Variants in CDK18 observed in about 807,000 individuals in gnomAD.
The protein encoded by CDK18 is cyclin dependent kinase 18.
Under a neutral mutation model 62.0 loss-of-function variants are expected in CDK18, and 52 were observed. The observed-to-expected ratio is 0.84, with a 90% CI of 0.67 to 1.06. CDK18 has a LOEUF of 1.06. Ranked by LOEUF, CDK18 falls within the 50% of genes least tolerant of loss-of-function variation. The pLI is 0.00. For missense variants in CDK18, 604 were observed against 619.9 expected, an observed-to-expected ratio of 0.97 and a Z score of 0.27; for synonymous variants, 237 against 247.0, an observed-to-expected ratio of 0.96 and a Z score of 0.38.
At chr1:205,510,424 G>A (rs1667513068) in intron 1 of CDK18, among the ~76,000 whole-genome samples, 2 of 152,168 alleles carry the variant, frequency 1.3e-5, no homozygotes, top group Admixed American at 6.5e-5. Context: ...CCCAAACTCT[G>A]CCTGCAACAT....
At position 205,507,633 on chromosome 1, in the gene CDK18, CAAAAAAAAA is replaced by C. The variant is rs56313401; in HGVS notation, c.-22+2859_-22+2867del. ...TGGGCGACAGAGCGAGACTCCGTCT[CAAAAAAAAA>C]AAAAAAAAAAAAAAAAAAAAATAAT... On this transcript the variant is annotated intron_variant, in intron 1 of 15. Transcript: ENST00000429964. Among the ~76,000 whole-genome samples the C allele has an allele frequency of 1.4e-4, 10 of 72,200 alleles. No individual in the cohort carries two copies. The South Asian group carries it at 2.4e-3, about 17-fold the overall frequency. 47.4% of individuals were successfully genotyped at this position (72,200 alleles called of 152,430 possible).
At position 205,527,982 on chromosome 1, in the gene CDK18, G is replaced by A. The variant is rs1163991223; in HGVS notation, c.853+65G>A. The A allele has an allele frequency of 5.0e-6, 8 of 1,612,992 alleles. No individual in the cohort carries two copies. The highest frequency in any genetic ancestry group is 2.7e-5 in the African/African-American group (2 of 74,890). On this transcript the variant is annotated intron_variant, in intron 9 of 15. Transcript: ENST00000429964. This position sits in a 1 kb window ranked among gnomAD's most constrained non-coding sequence, Gnocchi z 4.1. ...GTGCCTCAGGGTGTGGGTGCAGTGG[G>A]GGAGGGCATAGCAGTCAACCCCACA...
Position 205,527,484 on chromosome 1 carries a change from G to GAAAA in CDK18, c.730-297_730-294dup. The GAAAA allele has an allele frequency of 9.0e-5, 17 of 189,422 alleles. No homozygotes were observed. The highest frequency in any genetic ancestry group is 4.4e-4 in the South Asian group (5 of 11,360). 11.7% of individuals were successfully genotyped at this position (189,422 alleles called of 1,614,324 possible). On this transcript the variant is annotated intron_variant, in intron 8 of 15. Coordinates refer to ENST00000429964, the MANE Select transcript of CDK18 (RefSeq NM_212502.3). The surrounding 1 kb of genome is among the most constrained non-coding windows in gnomAD (Gnocchi z 4.1). ...ACAGAGTAAAACCCTGACTCTAAAA[G>GAAAA]AAAAAAAAAAAAAAAAGGGATCAAG...
rs548603951 is a variant in CDK18 at position 205,519,257 on chromosome 1, A to G, written c.-21-3890A>G. Among the ~76,000 whole-genome samples the G allele has an allele frequency of 4.6e-5, 7 of 152,276 alleles. No individual in the cohort carries two copies. In the East Asian group the frequency reaches 9.7e-4, roughly 21 times the overall value. The stretch of plus-strand genomic sequence containing the variant: ...CTGAGGAGCTGACTCTCCCAAGGGA[A>G]AAATGACAGAGGCATCTTGTGTCTT... On this transcript the variant is annotated intron_variant, in intron 1 of 15. Transcript: ENST00000429964.
intron 1 of CDK18, among the ~76,000 whole-genome samples, chr1:205,511,680 A>T (rs1667571171): frequency 6.6e-6 from 1 of 152,196 alleles, no homozygotes; most frequent in South Asian, 2.1e-4. Flanking sequence ...CTGTGTTTAT[A>T]TGTGCATGCC....
chr1:205,530,619 CT>C lies in CDK18; in HGVS notation c.1313-8del, dbSNP rs1558788331. On this transcript the variant is annotated splice_region_variant and splice_polypyrimidine_tract_variant and intron_variant, in intron 14 of 15. Coordinates refer to ENST00000429964, the MANE Select transcript of CDK18 (RefSeq NM_212502.3). Reference sequence around the variant, plus strand: ...AGCCCTCTCCAGACTATGCACTTCTCTCCCCCAGCTGCCTCCATCTTCTCCC... The same window carrying C: ...AGCCCTCTCCAGACTATGCACTTCTCCCCCCAGCTGCCTCCATCTTCTCCC... The C allele has an allele frequency of 1.8e-5, 29 of 1,613,668 alleles. No individual in the cohort carries two copies. Among genetic ancestry groups the C allele is most frequent in the Non-Finnish European group, 2.5e-5 (29 of 1,179,736 alleles).
chr1:205,526,282 T>G, intron 6 of CDK18, 85 bp from the exon 7 acceptor site: 1 of 1,462,282 alleles, frequency 6.8e-7, no homozygotes, highest in Non-Finnish European at 9.6e-7. Flanking sequence ...ATTGCTGGAA[T>G]GGGACTCCTG....
intron 1 of CDK18, among the ~76,000 whole-genome samples, chr1:205,511,351 C>A (rs936321730): frequency 1.3e-5 from 2 of 152,192 alleles, no homozygotes; most frequent in Admixed American, 6.5e-5. Flanking sequence ...GCGACAGAGA[C>A]GATGGCCCGC....
In CDK18 at chr1:205,527,704, T is replaced by C; in HGVS notation, c.730-90T>C. The C allele has an allele frequency of 1.6e-6, 2 of 1,282,118 alleles. No homozygotes were observed. The highest frequency in any genetic ancestry group is 2.2e-6 in the Non-Finnish European group (2 of 896,118). The allele number at this position is 1,282,118 out of a possible 1,614,324, so 79.4% of individuals were successfully genotyped here. A position where few individuals can be genotyped will look rare whatever the true frequency, so the allele number is the denominator to read the frequency against. ...AATGAGGGGCTTGTGCTGACCTCAC[T>C]GCCAAGCCCCTGCCCCCATCCTGGT... On this transcript the variant is annotated intron_variant, in intron 8 of 15. Coordinates refer to ENST00000429964, the MANE Select transcript of CDK18 (RefSeq NM_212502.3). The surrounding 1 kb of genome is among the most constrained non-coding windows in gnomAD (Gnocchi z 4.1).
In CDK18 at chr1:205,522,838, C is replaced by A. The variant is rs189287505; in HGVS notation, c.-21-309C>A. 95 of 220,044 alleles carry A rather than the reference C, an allele frequency of 4.3e-4. 1 individual carries two copies. Among genetic ancestry groups the A allele is most frequent in the African/African-American group, 2.1e-3 (93 of 43,832 alleles). The allele number at this position is 220,044 out of a possible 1,614,324, so 13.6% of individuals were successfully genotyped here. A position where few individuals can be genotyped will look rare whatever the true frequency, so the allele number is the denominator to read the frequency against. On this transcript the variant is annotated intron_variant, in intron 1 of 15. Transcript: ENST00000429964. Reference sequence around the variant, plus strand: ...TTCAGGATCCTCTTTGCACATCATGCCTGCTATTATGACCAATACTTTGCT... The same window carrying A: ...TTCAGGATCCTCTTTGCACATCATGACTGCTATTATGACCAATACTTTGCT...
At chr1:205,525,255 A>C in intron 5 of CDK18, 60 bp downstream of exon 5, 3 of 1,257,412 alleles carry the variant, frequency 2.4e-6, no homozygotes, top group Non-Finnish European at 3.4e-6. Context: ...GAGGAGGGGC[A>C]GACCTCCCTA....
chr1:205,530,561 T>C, intron 14 of CDK18, 67 bp from the exon 15 acceptor site: 7 of 1,453,596 alleles, frequency 4.8e-6, no homozygotes, highest in South Asian at 1.2e-5. Context: ...TTGGTCCTTC[T>C]GGGCCAGTCC....
Position 205,528,800 on chromosome 1 carries a change from A to G in CDK18, c.975-199A>G. On this transcript the variant is annotated intron_variant, in intron 10 of 15. Transcript: ENST00000429964. This position sits in a 1 kb window ranked among gnomAD's most constrained non-coding sequence, Gnocchi z 4.2. ...TGAAAGTCGCAGCTTTCCCGAGCCC[A>G]GGGAAGCCCCCCAGAGAGGGGCTGT... 4.2e-6 allele frequency: 2 copies of G among 471,650 alleles called. No individual in the cohort carries two copies. The highest frequency in any genetic ancestry group is 7.5e-6 in the Non-Finnish European group (2 of 265,816). 29.2% of individuals were successfully genotyped at this position (471,650 alleles called of 1,614,324 possible).
At chr1:205,524,181 A>G (rs1321826899) in intron 3 of CDK18, 51 bp from the exon 4 acceptor site, 1 of 1,612,234 alleles carries the variant, frequency 6.2e-7, no homozygotes, top group Admixed American at 1.7e-5. Context: ...CCACAGCCCT[A>G]GCTACCCTGA....
Position 205,528,071 on chromosome 1 carries a change from C to A in CDK18, c.877C>A (p.Pro293Thr), listed in dbSNP as rs1370031728. The A allele has an allele frequency of 6.2e-7, 1 of 1,613,996 alleles. No homozygotes were observed. Among genetic ancestry groups the A allele is most frequent in the Non-Finnish European group, 8.5e-7 (1 of 1,179,996 alleles). The change falls in exon 10 of 16, where the codon CCC becomes ACC. Residue 293 changes from proline to threonine, a missense_variant. Coordinates refer to ENST00000429964, the MANE Select transcript of CDK18 (RefSeq NM_212502.3). This position sits in a 1 kb window ranked among gnomAD's most constrained non-coding sequence, Gnocchi z 4.2. Reference sequence around the variant, plus strand: ...AGGACTGGCCAGGGCCAAGTCAGTGCCCACAAAGACTTACTCCAATGAGGT... The same window carrying A: ...AGGACTGGCCAGGGCCAAGTCAGTGACCACAAAGACTTACTCCAATGAGGT... ...DFGLARAKSV[P>T]TKTYSNEVVT...
intron 5 of CDK18, 52 bp downstream of exon 5, chr1:205,525,247 G>C (rs376187770): frequency 2.1e-6 from 3 of 1,416,742 alleles, no homozygotes; most frequent in African/African-American, 1.4e-5. Flanking sequence ...ATGGCTTGGA[G>C]GAGGGGCAGA....
Position 205,528,977 on chromosome 1 carries a change from C to CTGAGG in CDK18, c.975-22_975-21insTGAGG. ...GGCGGCCGCCCCTGCCTGATGCCGACCCTACCCCTTGCTCCTCGCAGGGGC... is the reference window on the plus strand; with the variant it reads ...GGCGGCCGCCCCTGCCTGATGCCGACTGAGGCCTACCCCTTGCTCCTCGCAGGGGC... On this transcript the variant is annotated intron_variant, in intron 10 of 15. Coordinates refer to ENST00000429964, the MANE Select transcript of CDK18 (RefSeq NM_212502.3). This position sits in a 1 kb window ranked among gnomAD's most constrained non-coding sequence, Gnocchi z 4.2. 1 of 1,534,062 alleles carries CTGAGG rather than the reference C, an allele frequency of 6.5e-7. No individual in the cohort carries two copies. The highest frequency in any genetic ancestry group is 8.8e-7 in the Non-Finnish European group (1 of 1,130,014).
chr1:205,520,295 C>G (rs1171543052), intron 1 of CDK18, among the ~76,000 whole-genome samples: 1 of 152,218 alleles, frequency 6.6e-6, no homozygotes, highest in African/African-American at 2.4e-5. Flanking sequence ...TTTTCAAATG[C>G]ATTTTCCCAG....
Position 205,524,369 on chromosome 1 carries a change from G to A in CDK18, c.399+12G>A, listed in dbSNP as rs774124045. On this transcript the variant is annotated intron_variant, in intron 4 of 15. Coordinates refer to ENST00000429964, the MANE Select transcript of CDK18 (RefSeq NM_212502.3). ...GCCGGGCCTCCCTGGTGAGTCCCAA[G>A]AGGGTCAGAGGACACAAGGTGGGGT... 14 of 1,614,062 alleles carry A rather than the reference G, an allele frequency of 8.7e-6. No individual in the cohort carries two copies. Among genetic ancestry groups the A allele is most frequent in the Non-Finnish European group, 8.5e-7 (1 of 1,180,004 alleles).
Sources: allele counts gnomAD v4.1 joint callset (sites outside exome capture counted in the v4.1 genomes callset), GRCh38; gene constraint gnomAD v4.1.1; non-coding constraint Gnocchi (gnomAD v3.1); transcripts MANE v1.5; gene names NCBI Gene and HGNC (gene_info 2026-07-23, HGNC 2026-07-21).